Variants in PDE12 observed in about 807,000 individuals in gnomAD.
PDE12 encodes 2',5'-phosphodiesterase 12.
A neutral mutation model predicts 45.4 loss-of-function variants in PDE12; 26 were observed. The ratio of observed to expected loss-of-function variants is 0.57; its 90% confidence interval spans 0.42 to 0.79. The LOEUF is 0.79. Among genes scored for constraint, PDE12 ranks in the 30% least tolerant of loss-of-function variants. The pLI is 0.00. For synonymous variants in PDE12, 283 were observed against 323.9 expected, an observed-to-expected ratio of 0.87 and a Z score of 1.36; for missense variants, 668 against 790.0, an observed-to-expected ratio of 0.85 and a Z score of 1.85.
the PDE12 span, among the ~76,000 whole-genome samples, chr3:57,648,447 C>T: frequency 3.9e-5 from 6 of 152,074 alleles, no homozygotes; most frequent in South Asian, 2.1e-4. Flanking sequence ...ACAAATTCAA[C>T]GCAATTCCCA....
chr3:57,611,936 GC>G, the PDE12 span, among the ~76,000 whole-genome samples: 2 of 152,100 alleles, frequency 1.3e-5, no homozygotes, highest in African/African-American at 4.8e-5. Flanking sequence ...GTTATAGCAT[GC>G]CCACGTATGT....
chr3:57,587,481 C>T, the PDE12 span, among the ~76,000 whole-genome samples: 1 of 151,750 alleles, frequency 6.6e-6, no homozygotes, highest in Admixed American at 6.6e-5. Flanking sequence ...TGTATGAATA[C>T]TGTATGAATA....
the PDE12 span, chr3:57,630,456 A>G: frequency 6.3e-7 from 1 of 1,596,204 alleles, no homozygotes; most frequent in Admixed American, 1.9e-5. Flanking sequence ...AGTGCCTCCA[A>G]TTTTTGGGTC....
chr3:57,643,883 C>T, the PDE12 span, among the ~76,000 whole-genome samples: 3 of 151,336 alleles, frequency 2.0e-5, no homozygotes, highest in Admixed American at 6.6e-5. Flanking sequence ...GGCGTGGTGG[C>T]TCATGCCTGT....
At chr3:57,603,797 T>A in the PDE12 span, among the ~76,000 whole-genome samples, 1 of 152,052 alleles carries the variant, frequency 6.6e-6, no homozygotes, top group African/African-American at 2.4e-5. Context: ...TAATTTTGTA[T>A]TTTTAGTAGA....
chr3:57,576,504 CTT>C, the PDE12 span, among the ~76,000 whole-genome samples: 636 of 101,540 alleles, frequency 6.3e-3, 1 homozygote, highest in Non-Finnish European at 0.01. Flanking sequence ...CTCAACCAAG[CTT>C]TTTTTTTTTT....
chr3:57,621,161 C>CAT, the PDE12 span, among the ~76,000 whole-genome samples: 17 of 152,170 alleles, frequency 1.1e-4, no homozygotes, highest in East Asian at 2.9e-3. Context: ...AATAAACCCA[C>CAT]ATATATATAT....
the PDE12 span, chr3:57,626,215 AT>A: frequency 2.2e-4 from 33 of 152,760 alleles, no homozygotes; most frequent in African/African-American, 7.9e-4. Context: ...AACAGGGCAC[AT>A]TTGGGTATTA....
the PDE12 span, among the ~76,000 whole-genome samples, chr3:57,640,601 T>G: frequency 6.6e-6 from 1 of 152,164 alleles, no homozygotes; most frequent in Non-Finnish European, 1.5e-5. Flanking sequence ...TGTAGTACAT[T>G]ATAAAGTTAT....
At position 57,559,181 on chromosome 3, in the gene PDE12, A is replaced by G; in HGVS notation, c.1309-129A>G. The G allele has an allele frequency of 7.2e-6, 5 of 694,184 alleles. No homozygotes were observed. In the South Asian group the frequency reaches 8.8e-5, roughly 12 times the overall value. The allele number at this position is 694,184 out of a possible 1,614,324, so 43.0% of individuals were successfully genotyped here. A position where few individuals can be genotyped will look rare whatever the true frequency, so the allele number is the denominator to read the frequency against. ...GCTTGCAGTGAGCCGAGATCGCGCTACTGCACTCCAGCCTGGTTGACAGAG... is the reference window on the plus strand; with the variant it reads ...GCTTGCAGTGAGCCGAGATCGCGCTGCTGCACTCCAGCCTGGTTGACAGAG... On this transcript the variant is annotated intron_variant, in intron 1 of 2. Coordinates refer to ENST00000311180, the MANE Select transcript of PDE12 (RefSeq NM_177966.7).
the PDE12 span, among the ~76,000 whole-genome samples, chr3:57,623,141 GGCTCACACC>G: frequency 3.3e-5 from 5 of 152,262 alleles, no homozygotes; most frequent in Admixed American, 2.6e-4. Flanking sequence ...TGGGAAAGGT[GGCTCACACC>G]TGTAATCCCA....
chr3:57,591,911 G>A, the PDE12 span, among the ~76,000 whole-genome samples: 1 of 152,140 alleles, frequency 6.6e-6, no homozygotes, highest in Non-Finnish European at 1.5e-5. Context: ...AAAGGGGAAT[G>A]GGAATTATTA....
chr3:57,597,180 T>C, the PDE12 span: 1 of 1,580,444 alleles, frequency 6.3e-7, no homozygotes, highest in Non-Finnish European at 8.7e-7. Context: ...GCAGAAGGGG[T>C]TTGGGGCGAC....
the PDE12 span, chr3:57,628,927 A>G: frequency 6.4e-7 from 1 of 1,557,218 alleles, no homozygotes. Flanking sequence ...TCTCAAAATA[A>G]TATTCAAACC....
At chr3:57,600,555 T>C in the PDE12 span, among the ~76,000 whole-genome samples, 2 of 147,988 alleles carry the variant, frequency 1.4e-5, no homozygotes, top group African/African-American at 4.9e-5. Flanking sequence ...TATTCCACCA[T>C]GCCCAGCTAT....
chr3:57,570,376 C>CTT (rs1241352591), downstream of PDE12, among the ~76,000 whole-genome samples: 1,490 of 128,886 alleles, frequency 0.012, 48 homozygotes, highest in African/African-American at 0.041. Flanking sequence ...ACACCAGACC[C>CTT]TTTTTTTTTT....
the PDE12 span, chr3:57,628,988 G>A: frequency 1.0e-6 from 1 of 967,098 alleles, no homozygotes; most frequent in Middle Eastern, 3.2e-4. Flanking sequence ...AGAAGGAAAA[G>A]GAGAACAAAG....
the PDE12 span, chr3:57,597,234 G>A: frequency 1.5e-5 from 19 of 1,252,334 alleles, no homozygotes; most frequent in South Asian, 1.9e-4. Context: ...CTAAACGAGA[G>A]GGAAGAGAAA....
chr3:57,635,728 A>C, the PDE12 span, among the ~76,000 whole-genome samples: 1 of 152,232 alleles, frequency 6.6e-6, no homozygotes, highest in African/African-American at 2.4e-5. Context: ...AAATTTTAAG[A>C]GTATGTATTA....
Sources: gnomAD v4.1 joint callset for allele counts (sites outside exome capture counted in the v4.1 genomes callset) on GRCh38, gnomAD v4.1.1 for gene constraint, MANE v1.5 for transcripts, NCBI Gene and HGNC (gene_info 2026-07-23, HGNC 2026-07-21) for gene names.